Variants in IGF1R observed in about 807,000 individuals in gnomAD.
The protein encoded by IGF1R is insulin-like growth factor 1 receptor.
IGF1R carries 44 observed loss-of-function variants against 144.6 expected under a neutral mutation model. The observed-to-expected ratio is 0.30, with a 90% confidence interval of 0.24 to 0.39. IGF1R has a LOEUF of 0.39. IGF1R is among the 10% of genes least tolerant of loss of function. The pLI, the probability that IGF1R is intolerant of heterozygous loss-of-function variation, is 1.00. For synonymous variants in IGF1R, 795 were observed against 722.8 expected (o/e 1.10, Z -1.60); for missense variants, 1,355 against 1,833.7 (o/e 0.74, Z 4.77).
intron 1 of IGF1R, among the ~76,000 whole-genome samples, chr15:98,671,824 CTGT>C (rs1464415777): frequency 1.3e-5 from 2 of 152,140 alleles, no homozygotes; most frequent in Non-Finnish European, 1.5e-5. Context: ...GTTCTACTTC[CTGT>C]TGTTGTACTA....
chr15:98,789,116 A>T (rs62023600), intron 2 of IGF1R, among the ~76,000 whole-genome samples: 1,638 of 152,322 alleles, frequency 0.011, 16 homozygotes, highest in Non-Finnish European at 0.017. Flanking sequence ...CTTCTTGTAA[A>T]ATGGAAAGAC....
At chr15:98,794,300 T>C (rs2056191579) in intron 2 of IGF1R, among the ~76,000 whole-genome samples, 1 of 152,228 alleles carries the variant, frequency 6.6e-6, no homozygotes, top group African/African-American at 2.4e-5. Context: ...TCATGCCAGC[T>C]GTCAGAGATG....
intron 2 of IGF1R, among the ~76,000 whole-genome samples, chr15:98,769,474 G>T (rs573268033): frequency 1.2e-4 from 18 of 152,188 alleles, no homozygotes; most frequent in African/African-American, 4.1e-4. Flanking sequence ...TAAGGCCTCA[G>T]TCCAACAACA....
chr15:98,701,297 T>C (rs564570282), intron 1 of IGF1R, among the ~76,000 whole-genome samples: 1 of 152,172 alleles, frequency 6.6e-6, no homozygotes, highest in Admixed American at 6.5e-5. Context: ...ATGTCTTTTA[T>C]TTCCAACTAT....
At chr15:98,779,096 T>G (rs1409621820) in intron 2 of IGF1R, among the ~76,000 whole-genome samples, 1 of 152,232 alleles carries the variant, frequency 6.6e-6, no homozygotes, top group African/African-American at 2.4e-5. Flanking sequence ...TGCTGTGTGC[T>G]TGGTACGAAG....
At position 98,939,205 on chromosome 15, in the gene IGF1R, A is replaced by T; in HGVS notation, c.3302A>T (p.Asn1101Ile). The change falls in exon 18 of 21, where the codon AAT becomes ATT. Residue 1101 changes from asparagine (N) to isoleucine (I), a missense_variant. Transcript: ENST00000650285. The part of the protein sequence containing the change: ...LRSLRPEMEN[N>I]PVLAPPSLSK... ...ATTTTTTTAAATCTCCAACAGAATA[A>T]TCCAGTCCTAGCACCTCCAAGCCTG... is the stretch of plus-strand genomic sequence containing the variant. 1 of 1,613,944 alleles carries T rather than the reference A, an allele frequency of 6.2e-7. No homozygotes were observed. Among genetic ancestry groups the T allele is most frequent in the Non-Finnish European group, 8.5e-7 (1 of 1,179,784 alleles).
chr15:98,860,128 C>G (rs1393980190), intron 2 of IGF1R, among the ~76,000 whole-genome samples: 1 of 152,204 alleles, frequency 6.6e-6, no homozygotes, highest in Non-Finnish European at 1.5e-5. Flanking sequence ...GTTGGCCAGG[C>G]TGGAGTTTCT....
intron 5 of IGF1R, among the ~76,000 whole-genome samples, chr15:98,907,695 G>A (rs2014799639): frequency 6.6e-6 from 1 of 152,234 alleles, no homozygotes; most frequent in Admixed American, 6.5e-5. Flanking sequence ...GTAGCTGTCT[G>A]CTTTCTTGCC....
chr15:98,857,679 A>G (rs947921621), intron 2 of IGF1R, among the ~76,000 whole-genome samples: 1 of 152,220 alleles, frequency 6.6e-6, no homozygotes, highest in African/African-American at 2.4e-5. Context: ...AGCACTTGAA[A>G]TGTGGCTAGT....
At chr15:98,768,749 C>G (rs554272882) in intron 2 of IGF1R, among the ~76,000 whole-genome samples, 260 of 84,984 alleles carry the variant, frequency 3.1e-3, no homozygotes, top group Non-Finnish European at 4.6e-3. Context: ...GAAACCCCGT[C>G]TCTACTAAAA....
rs775075480 is a variant in IGF1R, at chr15:98,707,770, C to T, written c.303C>T (p.Pro101=). 8 of 1,614,106 alleles carry T rather than the reference C, an allele frequency of 5.0e-6. No homozygotes were observed. The East Asian group carries it at 1.1e-4, about 22-fold the overall frequency. ...AGLESLGDLF[P]NLTVIRGWKL... ...TCGAGAGCCTCGGAGACCTCTTCCC[C>T]AACCTCACGGTCATCCGCGGCTGGA... Residue 101 remains proline (P), a synonymous_variant, in exon 2 of 21, where the codon CCC becomes CCT. Transcript: ENST00000650285. This position sits in a 1 kb window ranked among gnomAD's most constrained non-coding sequence, Gnocchi z 6.7.
intron 2 of IGF1R, among the ~76,000 whole-genome samples, chr15:98,799,151 G>A (rs1306518857): frequency 6.6e-6 from 1 of 152,008 alleles, no homozygotes; most frequent in Non-Finnish European, 1.5e-5. Flanking sequence ...GAATATTGAG[G>A]TATTAAAATC....
intron 2 of IGF1R, among the ~76,000 whole-genome samples, chr15:98,799,902 G>A (rs185843424): frequency 6.6e-6 from 1 of 152,332 alleles, no homozygotes; most frequent in African/African-American, 2.4e-5. Flanking sequence ...GAGAATTTAT[G>A]TATCAATTCA....
chr15:98,867,642 G>A (rs534311843), intron 2 of IGF1R, among the ~76,000 whole-genome samples: 1 of 152,266 alleles, frequency 6.6e-6, no homozygotes, highest in South Asian at 2.1e-4. Context: ...TGTGTGCCTT[G>A]TGTATGTCTC....
At chr15:98,776,337 A>G (rs535000319) in intron 2 of IGF1R, among the ~76,000 whole-genome samples, 53 of 152,008 alleles carry the variant, frequency 3.5e-4, no homozygotes, top group African/African-American at 1.2e-3. Context: ...GGCATGTGCC[A>G]CCATGCCGGG....
At chr15:98,752,930 C>CTTTTTTTTTT (rs1277469191) in intron 2 of IGF1R, among the ~76,000 whole-genome samples, 1 of 130,420 alleles carries the variant, frequency 7.7e-6, no homozygotes. Flanking sequence ...GAAAATCATA[C>CTTTTTTTTTT]TATTTTTTTT....
intron 1 of IGF1R, among the ~76,000 whole-genome samples, chr15:98,676,221 A>ACCTCCAC (rs1174946897): frequency 6.6e-6 from 1 of 151,212 alleles, no homozygotes; most frequent in African/African-American, 2.4e-5. Flanking sequence ...GCTCCCTGCA[A>ACCTCCAC]CCTCCACCTC....
chr15:98,819,897 A>G (rs2056770220), intron 2 of IGF1R, among the ~76,000 whole-genome samples: 1 of 152,206 alleles, frequency 6.6e-6, no homozygotes, highest in Non-Finnish European at 1.5e-5. Flanking sequence ...TTCTATGTTT[A>G]TTCTGCTGCC....
chr15:98,917,422 G>A (rs2015303482), intron 10 of IGF1R, among the ~76,000 whole-genome samples: 1 of 152,210 alleles, frequency 6.6e-6, no homozygotes, highest in Non-Finnish European at 1.5e-5. Context: ...TGCATTGGCT[G>A]TTTATTCCGT....
Sources: gnomAD v4.1 joint callset for allele counts (sites outside exome capture counted in the v4.1 genomes callset) on GRCh38, gnomAD v4.1.1 for gene constraint, Gnocchi (gnomAD v3.1) non-coding constraint, MANE v1.5 for transcripts, NCBI Gene and HGNC (gene_info 2026-07-23, HGNC 2026-07-21) for gene names.